Variants in NDST4 observed in about 807,000 individuals in gnomAD.
NDST4 encodes N-heparan sulfate sulfotransferase 4.
A neutral mutation model predicts 100.8 loss-of-function variants in NDST4; 63 were observed. The ratio of observed to expected loss-of-function variants is 0.62; its 90% CI spans 0.51 to 0.77. NDST4 has a LOEUF of 0.77. Among genes scored for constraint, NDST4 ranks in the 30% least tolerant of loss-of-function variants. The pLI is 0.00. For missense variants in NDST4, 943 were observed against 1,018.4 expected, an observed-to-expected ratio of 0.93 and a Z score of 1.01; for synonymous variants, 377 against 361.8, an observed-to-expected ratio of 1.04 and a Z score of -0.48.
intron 1 of NDST4, among the ~76,000 whole-genome samples, chr4:115,113,047 T>C (rs947994506): frequency 2.6e-5 from 4 of 151,950 alleles, no homozygotes; most frequent in Non-Finnish European, 5.9e-5. Context: ...TCAGTAACAC[T>C]TATTAGGGAA....
At chr4:114,903,570 T>G (rs1278297639) in intron 6 of NDST4, among the ~76,000 whole-genome samples, 1 of 152,016 alleles carries the variant, frequency 6.6e-6, no homozygotes, top group Non-Finnish European at 1.5e-5. Context: ...TATTTGTATT[T>G]GCATTTCTAG....
intron 1 of NDST4, among the ~76,000 whole-genome samples, chr4:115,087,428 AC>A (rs541366833): frequency 5.0e-4 from 76 of 152,122 alleles, no homozygotes; most frequent in Non-Finnish European, 8.7e-4. Context: ...ACCAGCAAAA[AC>A]ATCTAAATTA....
chr4:115,107,925 T>C (rs964777436), intron 1 of NDST4, among the ~76,000 whole-genome samples: 4 of 152,060 alleles, frequency 2.6e-5, no homozygotes, highest in Admixed American at 6.6e-5. Flanking sequence ...ATTATTTCTA[T>C]GGATATCAAG....
chr4:115,049,177 CTT>C (rs747746313), intron 2 of NDST4, among the ~76,000 whole-genome samples: 5 of 152,048 alleles, frequency 3.3e-5, no homozygotes, highest in Non-Finnish European at 1.5e-5. Flanking sequence ...CATTTTGAAA[CTT>C]TGGTTTCGCA....
At chr4:114,941,444 G>A (rs1008246908) in intron 4 of NDST4, among the ~76,000 whole-genome samples, 1 of 151,770 alleles carries the variant, frequency 6.6e-6, no homozygotes, top group African/African-American at 2.4e-5. Flanking sequence ...TTTGTTCTTG[G>A]AGAGGTTATA....
chr4:115,110,264 T>C lies in NDST4; in HGVS notation c.-247+3180A>G, dbSNP rs148734254. Among the ~76,000 whole-genome samples, 426 of 152,062 alleles carry C rather than the reference T, an allele frequency of 2.8e-3. 2 individuals are homozygous for C. The highest frequency in any genetic ancestry group is 8.6e-3 in the African/African-American group (357 of 41,536). On this transcript the variant is annotated intron_variant, in intron 1 of 13. Transcript: ENST00000264363. ...GAAAATAACTTTTAAAAATAGGGCA[T>C]TTAACACCCTGCATAACAGCATAGC... is the stretch of plus-strand genomic sequence containing the variant.
At chr4:115,090,625 G>C (rs537952181) in intron 1 of NDST4, among the ~76,000 whole-genome samples, 3 of 151,808 alleles carry the variant, frequency 2.0e-5, no homozygotes, top group African/African-American at 4.8e-5. Context: ...TAAAAAATTT[G>C]ATTTTTTTAA....
intron 2 of NDST4, among the ~76,000 whole-genome samples, chr4:115,029,064 G>A (rs1384272491): frequency 6.6e-6 from 1 of 152,048 alleles, no homozygotes; most frequent in African/African-American, 2.4e-5. Flanking sequence ...AAAAGTGAGA[G>A]CTTCAGTCAA....
chr4:114,957,690 A>G (rs956172015), intron 4 of NDST4, among the ~76,000 whole-genome samples: 2 of 152,224 alleles, frequency 1.3e-5, no homozygotes, highest in African/African-American at 2.4e-5. Context: ...ATGACGGTAA[A>G]ATCAAAAGCA....
intron 4 of NDST4, among the ~76,000 whole-genome samples, chr4:114,937,891 CG>C (rs1166519456): frequency 7.5e-6 from 1 of 133,164 alleles, no homozygotes; most frequent in Non-Finnish European, 1.6e-5. Context: ...GTGTGTGTGG[CG>C]GGGGGCGGGT....
At chr4:114,896,459 T>TG (rs1560800738) in intron 6 of NDST4, among the ~76,000 whole-genome samples, 1 of 151,668 alleles carries the variant, frequency 6.6e-6, no homozygotes, top group African/African-American at 2.4e-5. Flanking sequence ...CCGTCTCTAC[T>TG]AAAAAATGCA....
intron 2 of NDST4, among the ~76,000 whole-genome samples, chr4:115,063,225 G>T (rs1728861251): frequency 6.6e-6 from 1 of 151,802 alleles, no homozygotes; most frequent in African/African-American, 2.4e-5. Context: ...ATAAAGAAAA[G>T]ACATCAGAAG....
At chr4:114,877,308 T>G (rs576772115) in intron 6 of NDST4, among the ~76,000 whole-genome samples, 1 of 152,336 alleles carries the variant, frequency 6.6e-6, no homozygotes, top group Non-Finnish European at 1.5e-5. Flanking sequence ...GGATTAAATC[T>G]AAAATATCAC....
At chr4:115,047,377 C>A (rs776198119) in intron 2 of NDST4, among the ~76,000 whole-genome samples, 5 of 152,040 alleles carry the variant, frequency 3.3e-5, no homozygotes, top group Admixed American at 2.0e-4. Context: ...CAGACAGGCA[C>A]ACATTTACCA....
At chr4:114,873,770 G>T (rs976928594) in intron 6 of NDST4, among the ~76,000 whole-genome samples, 1 of 151,970 alleles carries the variant, frequency 6.6e-6, no homozygotes, top group Non-Finnish European at 1.5e-5. Context: ...GAAATAAGAC[G>T]GTGTAAGTAG....
chr4:114,918,287 C>A (rs1725216292), intron 6 of NDST4, among the ~76,000 whole-genome samples: 1 of 150,514 alleles, frequency 6.6e-6, no homozygotes, highest in Non-Finnish European at 1.5e-5. Context: ...GGTGAAGGAG[C>A]AATCATGTAC....
intron 6 of NDST4, among the ~76,000 whole-genome samples, chr4:114,915,333 A>G (rs972121721): frequency 3.9e-5 from 6 of 152,168 alleles, no homozygotes; most frequent in African/African-American, 1.4e-4. Context: ...CTTTGATTTT[A>G]TTTCTTCACA....
chr4:115,105,649 C>A (rs140923155), intron 1 of NDST4, among the ~76,000 whole-genome samples: 8 of 152,212 alleles, frequency 5.3e-5, no homozygotes, highest in South Asian at 2.1e-4. Flanking sequence ...TTATTTTCTA[C>A]GCAAGGCAGA....
chr4:115,088,521 T>C (rs1729451850), intron 1 of NDST4, among the ~76,000 whole-genome samples: 1 of 151,998 alleles, frequency 6.6e-6, no homozygotes, highest in Non-Finnish European at 1.5e-5. Flanking sequence ...TCCCTACCAC[T>C]TCCTCACCTT....
Sources: gnomAD v4.1 joint callset for allele counts (sites outside exome capture counted in the v4.1 genomes callset) on GRCh38, gnomAD v4.1.1 for gene constraint, MANE v1.5 for transcripts, NCBI Gene and HGNC (gene_info 2026-07-23, HGNC 2026-07-21) for gene names.